Variants in MDGA2 observed in about 807,000 individuals in gnomAD.
The protein encoded by MDGA2 is MAM domain containing glycosylphosphatidylinositol anchor 2.
Under a neutral mutation model 117.8 loss-of-function variants are expected in MDGA2, and 40 were observed. The ratio of observed to expected loss-of-function variants is 0.34; its 90% confidence interval spans 0.26 to 0.44. The LOEUF (loss-of-function observed/expected upper bound fraction) is 0.44, where lower values mean the gene tolerates loss of function less well. Ranked by LOEUF, MDGA2 falls within the 20% of genes least tolerant of loss-of-function variation. The pLI, the probability that MDGA2 is intolerant of heterozygous loss-of-function variation, is 1.00. For synonymous variants in MDGA2, 452 were observed against 439.0 expected, an observed-to-expected ratio of 1.03 and a Z score of -0.37; for missense variants, 1,123 against 1,250.6, an observed-to-expected ratio of 0.90 and a Z score of 1.54.
intron 1 of MDGA2, among the ~76,000 whole-genome samples, chr14:47,456,555 G>A (rs942441478): frequency 2.6e-5 from 4 of 151,180 alleles, no homozygotes; most frequent in African/African-American, 7.3e-5. Context: ...CACCCATCTC[G>A]GCCTCCCAAA....
chr14:46,926,845 G>T (rs1884352249), intron 9 of MDGA2, among the ~76,000 whole-genome samples: 1 of 151,970 alleles, frequency 6.6e-6, no homozygotes, highest in South Asian at 2.1e-4. Context: ...CAGGAAACTA[G>T]TAAAAAAATA....
intron 1 of MDGA2, among the ~76,000 whole-genome samples, chr14:47,461,182 A>G (rs1005137732): frequency 3.9e-5 from 6 of 152,126 alleles, no homozygotes; most frequent in Non-Finnish European, 5.9e-5. Context: ...TCAAATCAGA[A>G]TAACCCTAGA....
intron 1 of MDGA2, among the ~76,000 whole-genome samples, chr14:47,604,489 C>CT (rs1475363340): frequency 8.1e-6 from 1 of 122,892 alleles, no homozygotes; most frequent in African/African-American, 3.7e-5. Flanking sequence ...GCTTCCCCAC[C>CT]CCCCCCCACC....
chr14:47,614,210 C>G (rs1896908087), intron 1 of MDGA2, among the ~76,000 whole-genome samples: 1 of 151,178 alleles, frequency 6.6e-6, no homozygotes, highest in Non-Finnish European at 1.5e-5. Context: ...TTGCCTCAGC[C>G]TCCCGAGTAG....
chr14:46,871,579 T>A (rs1427071380), intron 14 of MDGA2: 1 of 152,760 alleles, frequency 6.5e-6, no homozygotes, highest in Non-Finnish European at 1.5e-5. Context: ...AAATGTCAAC[T>A]ATTATTTTAT....
At chr14:47,472,152 G>T (rs1356565690) in intron 1 of MDGA2, among the ~76,000 whole-genome samples, 1 of 152,120 alleles carries the variant, frequency 6.6e-6, no homozygotes, top group Non-Finnish European at 1.5e-5. Flanking sequence ...TTCATTATTA[G>T]TTATTGCATT....
At chr14:47,604,325 AT>A (rs1200044775) in intron 1 of MDGA2, among the ~76,000 whole-genome samples, 1 of 150,846 alleles carries the variant, frequency 6.6e-6, no homozygotes, top group Admixed American at 6.6e-5. Flanking sequence ...TTTTATTTTT[AT>A]TTTTTTAAGA....
intron 3 of MDGA2, among the ~76,000 whole-genome samples, chr14:47,166,838 T>C (rs928051062): frequency 6.6e-6 from 1 of 152,234 alleles, no homozygotes; most frequent in Non-Finnish European, 1.5e-5. Context: ...ACCAACTTTG[T>C]ACCTTCCACT....
At chr14:47,216,800 G>A (rs1036839737) in intron 3 of MDGA2, among the ~76,000 whole-genome samples, 4 of 152,048 alleles carry the variant, frequency 2.6e-5, no homozygotes, top group African/African-American at 4.8e-5. Context: ...TCAGGAAAAT[G>A]GAAGCCAGGG....
chr14:47,512,564 T>C (rs1056515518), intron 1 of MDGA2, among the ~76,000 whole-genome samples: 1 of 152,206 alleles, frequency 6.6e-6, no homozygotes, highest in Non-Finnish European at 1.5e-5. Context: ...TGCTTTGTTC[T>C]ATCGACATCA....
At position 47,007,280 on chromosome 14, in the gene MDGA2, G is replaced by A. The variant is rs376000796; in HGVS notation, c.1819+27731C>T. The stretch of plus-strand genomic sequence containing the variant: ...TAAATATCAAATACAAATGCTTAAG[G>A]AAAAAAATCCAAACATTCAGTCATA... On this transcript the variant is annotated intron_variant, in intron 8 of 16. Transcript: ENST00000399232. 6.1e-4 allele frequency among the ~76,000 whole-genome samples: 92 copies of A among 151,742 alleles called. 2 individuals carry two copies. Among genetic ancestry groups the A allele is most frequent in the African/African-American group, 2.1e-3 (87 of 41,454 alleles).
At chr14:47,504,286 A>T (rs1045762839) in intron 1 of MDGA2, among the ~76,000 whole-genome samples, 1 of 152,158 alleles carries the variant, frequency 6.6e-6, no homozygotes, top group African/African-American at 2.4e-5. Context: ...CTCCATTATT[A>T]TTCCTTGGAT....
At chr14:47,420,064 G>T (rs1413811583) in intron 1 of MDGA2, among the ~76,000 whole-genome samples, 1 of 152,100 alleles carries the variant, frequency 6.6e-6, no homozygotes, top group Admixed American at 6.6e-5. Flanking sequence ...ATGCCAGTGT[G>T]GGGTTTGGAT....
chr14:46,980,861 T>G (rs760490697), intron 8 of MDGA2, among the ~76,000 whole-genome samples: 1 of 152,192 alleles, frequency 6.6e-6, no homozygotes, highest in Non-Finnish European at 1.5e-5. Flanking sequence ...AACAATATAA[T>G]GTAACTATAA....
chr14:47,534,351 A>C (rs2138739349), intron 1 of MDGA2, among the ~76,000 whole-genome samples: 1 of 152,316 alleles, frequency 6.6e-6, no homozygotes, highest in East Asian at 1.9e-4. Flanking sequence ...CAAAAATAGC[A>C]GCTGTATTAG....
chr14:47,259,430 A>G (rs1440109085), intron 2 of MDGA2, among the ~76,000 whole-genome samples: 1 of 152,108 alleles, frequency 6.6e-6, no homozygotes, highest in Non-Finnish European at 1.5e-5. Flanking sequence ...TACCAAAAAG[A>G]TATGTTTGAG....
intron 8 of MDGA2, among the ~76,000 whole-genome samples, chr14:46,985,000 T>C (rs1886811300): frequency 6.6e-6 from 1 of 151,974 alleles, no homozygotes; most frequent in African/African-American, 2.4e-5. Context: ...TTCATATTCA[T>C]TTTCTCCCTT....
chr14:46,996,107 G>A (rs1006145767), intron 8 of MDGA2, among the ~76,000 whole-genome samples: 3 of 152,148 alleles, frequency 2.0e-5, no homozygotes, highest in Admixed American at 1.3e-4. Context: ...CATCCTGGGA[G>A]ATATGAGATA....
At chr14:46,878,722 T>C (rs1055906979) in intron 11 of MDGA2, among the ~76,000 whole-genome samples, 5 of 152,044 alleles carry the variant, frequency 3.3e-5, no homozygotes, top group African/African-American at 1.2e-4. Flanking sequence ...TTTGGCAAGA[T>C]ATCCATGTAT....
Sources: allele counts gnomAD v4.1 joint callset (sites outside exome capture counted in the v4.1 genomes callset), GRCh38; gene constraint gnomAD v4.1.1; transcripts MANE v1.5; gene names NCBI Gene and HGNC (gene_info 2026-07-23, HGNC 2026-07-21).